Variants in DOK6 observed in about 807,000 individuals in gnomAD.
The protein encoded by DOK6 is downstream of tyrosine kinase 6.
In DOK6, 22 loss-of-function variants were observed where a neutral mutation model predicts 44.0. The observed-to-expected ratio is 0.50, with a 90% confidence interval of 0.36 to 0.71. The LOEUF (loss-of-function observed/expected upper bound fraction) is 0.71, where lower values mean the gene tolerates loss of function less well. Among genes scored for constraint, DOK6 ranks in the 30% least tolerant of loss-of-function variants. The pLI is 0.00. For missense variants in DOK6, 340 were observed against 416.4 expected (o/e 0.82, Z 1.60); for synonymous variants, 166 against 145.5 (o/e 1.14, Z -1.01).
intron 3 of DOK6, among the ~76,000 whole-genome samples, chr18:69,607,389 C>T (rs1399872756): frequency 6.6e-6 from 1 of 152,060 alleles, no homozygotes; most frequent in Admixed American, 6.6e-5. Context: ...CAAAAAGCTA[C>T]AGCAATATAC....
intron 5 of DOK6, among the ~76,000 whole-genome samples, chr18:69,720,370 G>C (rs1252589011): frequency 2.0e-5 from 3 of 152,086 alleles, no homozygotes; most frequent in Admixed American, 2.0e-4. Context: ...ATTTATGTTT[G>C]CATTCCCCTT....
chr18:69,512,448 A>G (rs1252864524), intron 1 of DOK6, among the ~76,000 whole-genome samples: 2 of 148,154 alleles, frequency 1.3e-5, no homozygotes, highest in Non-Finnish European at 3.0e-5. Context: ...GGTTCATGCA[A>G]TTCTCCTACC....
intron 7 of DOK6, among the ~76,000 whole-genome samples, chr18:69,812,279 C>G (rs17081656): frequency 1.3e-5 from 2 of 152,088 alleles, no homozygotes; most frequent in African/African-American, 4.8e-5. Context: ...TTGCAAGATA[C>G]TTTTACCCTG....
At chr18:69,592,683 T>A (rs1472851216) in intron 2 of DOK6, among the ~76,000 whole-genome samples, 1 of 152,172 alleles carries the variant, frequency 6.6e-6, no homozygotes, top group Admixed American at 6.5e-5. Flanking sequence ...ACTTCATATT[T>A]ACTTAAAATA....
chr18:69,718,385 T>C (rs1986930742), intron 5 of DOK6, among the ~76,000 whole-genome samples: 1 of 152,120 alleles, frequency 6.6e-6, no homozygotes, highest in South Asian at 2.1e-4. Context: ...GACTGAAAGA[T>C]GAGGGAAACA....
At chr18:69,554,954 T>A (rs1485897160) in intron 1 of DOK6, among the ~76,000 whole-genome samples, 1 of 152,184 alleles carries the variant, frequency 6.6e-6, no homozygotes, top group Non-Finnish European at 1.5e-5. Flanking sequence ...TGCTCAAGTA[T>A]CTTGCCCTCT....
intron 7 of DOK6, among the ~76,000 whole-genome samples, chr18:69,836,464 T>C (rs1982057006): frequency 6.6e-6 from 1 of 152,164 alleles, no homozygotes; most frequent in South Asian, 2.1e-4. Context: ...AGAGTATACT[T>C]GAACTATGAG....
chr18:69,544,220 T>C (rs1233662642), intron 1 of DOK6, among the ~76,000 whole-genome samples: 1 of 150,722 alleles, frequency 6.6e-6, no homozygotes, highest in African/African-American at 2.5e-5. Flanking sequence ...ATCGAGCCAT[T>C]GCACTCCAGC....
At chr18:69,450,622 G>T (rs1383237431) in intron 1 of DOK6, among the ~76,000 whole-genome samples, 1 of 151,738 alleles carries the variant, frequency 6.6e-6, no homozygotes, top group African/African-American at 2.4e-5. Context: ...ATTCACCAAA[G>T]TTGAAATGAA....
At position 69,600,980 on chromosome 18, in the gene DOK6, G is replaced by A. The variant is rs1030753287; in HGVS notation, c.289+1482G>A. 8.5e-5 allele frequency among the ~76,000 whole-genome samples: 13 copies of A among 152,186 alleles called. No individual in the cohort carries two copies. In the East Asian group the frequency reaches 1.2e-3, roughly 14 times the overall value. ...AGAAAGTCATTTAATGCAATTTTAT[G>A]TATTTATACAGATGTTTTTTGATTT... On this transcript the variant is annotated intron_variant, in intron 3 of 7. Coordinates refer to ENST00000382713, the MANE Select transcript of DOK6 (RefSeq NM_152721.6).
At chr18:69,668,994 G>T (rs982932861) in intron 3 of DOK6, among the ~76,000 whole-genome samples, 1 of 152,118 alleles carries the variant, frequency 6.6e-6, no homozygotes, top group Non-Finnish European at 1.5e-5. Context: ...GATAGGGATG[G>T]TCAGTTCCCT....
intron 1 of DOK6, among the ~76,000 whole-genome samples, chr18:69,449,938 G>A (rs1005845299): frequency 6.1e-5 from 9 of 146,588 alleles, no homozygotes; most frequent in Admixed American, 2.1e-4. Flanking sequence ...ACCAAAAGTA[G>A]GTAAAACCAC....
At chr18:69,563,178 TA>T (rs1157198827) in intron 1 of DOK6, among the ~76,000 whole-genome samples, 1 of 152,030 alleles carries the variant, frequency 6.6e-6, no homozygotes, top group Non-Finnish European at 1.5e-5. Context: ...TGTGGAGAAA[TA>T]GGAACACTTT....
At chr18:69,669,676 C>T (rs183503244) in intron 3 of DOK6, among the ~76,000 whole-genome samples, 3 of 152,152 alleles carry the variant, frequency 2.0e-5, no homozygotes, top group South Asian at 2.1e-4. Flanking sequence ...CCGCACCCCC[C>T]CGCCGACCCT....
intron 1 of DOK6, among the ~76,000 whole-genome samples, chr18:69,535,510 G>T (rs1375833561): frequency 6.6e-6 from 1 of 151,526 alleles, no homozygotes; most frequent in Non-Finnish European, 1.5e-5. Flanking sequence ...TCAACCCCTA[G>T]ATTTTTAAAA....
chr18:69,735,619 T>C (rs963649538), intron 5 of DOK6, among the ~76,000 whole-genome samples: 2 of 152,206 alleles, frequency 1.3e-5, no homozygotes, highest in Non-Finnish European at 2.9e-5. Flanking sequence ...AAGGTTTTTA[T>C]TGGGGGTCAG....
chr18:69,762,178 C>A (rs903146185), intron 7 of DOK6, among the ~76,000 whole-genome samples: 31 of 151,676 alleles, frequency 2.0e-4, no homozygotes, highest in African/African-American at 7.5e-4. Flanking sequence ...TACATACATA[C>A]ATACATACAT....
chr18:69,644,015 T>G (rs1985008950), intron 3 of DOK6, among the ~76,000 whole-genome samples: 1 of 152,204 alleles, frequency 6.6e-6, no homozygotes, highest in Non-Finnish European at 1.5e-5. Context: ...ATTTTGAGCA[T>G]ATTTTCAAGT....
chr18:69,600,082 G>T (rs1473514894), intron 3 of DOK6, among the ~76,000 whole-genome samples: 1 of 152,164 alleles, frequency 6.6e-6, no homozygotes, highest in East Asian at 1.9e-4. Context: ...TAATATATTA[G>T]TTGGCTTGTC....
Sources: allele counts gnomAD v4.1 joint callset (sites outside exome capture counted in the v4.1 genomes callset), GRCh38; gene constraint gnomAD v4.1.1; transcripts MANE v1.5; gene names NCBI Gene and HGNC (gene_info 2026-07-23, HGNC 2026-07-21).